APBB2: variants seen among roughly 807,000 people sequenced by gnomAD.
The protein encoded by APBB2 is Fe65-like 1.
A neutral mutation model predicts 82.5 loss-of-function variants in APBB2; 38 were observed. The ratio of observed to expected loss-of-function variants is 0.46; its 90% CI spans 0.36 to 0.60. The LOEUF is 0.60. Ranked by LOEUF, APBB2 falls within the 20% of genes least tolerant of loss-of-function variation. The pLI is 0.00. For synonymous variants in APBB2, 341 were observed against 368.2 expected (o/e 0.93, Z 0.85); for missense variants, 772 against 972.3 (o/e 0.79, Z 2.74).
At position 40,883,141 on chromosome 4, in the gene APBB2, A is replaced by G. The variant is rs1372094352; in HGVS notation, c.1529+7223T>C. Among the ~76,000 whole-genome samples the G allele has an allele frequency of 3.3e-5, 5 of 152,130 alleles. No homozygotes were observed. In the East Asian group the frequency reaches 5.8e-4, roughly 18 times the overall value. ...CACTGCAGCTGTGGCATGAGAACTA[A>G]CCTCTGGCACTGAAGCCAGTGGACT... On this transcript the variant is annotated intron_variant, in intron 12 of 17. Coordinates refer to ENST00000508593, the MANE Select transcript of APBB2 (RefSeq NM_004307.2).
intron 3 of APBB2, among the ~76,000 whole-genome samples, chr4:41,081,819 T>C (rs1306225336): frequency 6.6e-6 from 1 of 152,224 alleles, no homozygotes; most frequent in African/African-American, 2.4e-5. Context: ...AAAATTGCAT[T>C]GATCATAGAA....
chr4:41,033,091 T>C (rs749034989), intron 5 of APBB2, 145 bp downstream of exon 5: 64 of 688,572 alleles, frequency 9.3e-5, no homozygotes, highest in Non-Finnish European at 1.5e-4. Flanking sequence ...CCAAGATTCA[T>C]TTTTCTATTA....
At position 40,832,049 on chromosome 4, in the gene APBB2, C is replaced by T. The variant is rs193173557; in HGVS notation, c.1530-1472G>A. ...ACACACACACACACACACACACACA[C>T]ACATATACACCAAGCTTTACCCATC... On this transcript the variant is annotated intron_variant, in intron 12 of 17. Coordinates refer to ENST00000508593, the MANE Select transcript of APBB2 (RefSeq NM_004307.2). The surrounding 1 kb of genome is among the most constrained non-coding windows in gnomAD (Gnocchi z 4.8). Among the ~76,000 whole-genome samples the T allele has an allele frequency of 2.0e-5, 3 of 151,632 alleles. No homozygotes were observed. Among genetic ancestry groups the T allele is most frequent in the African/African-American group, 7.3e-5 (3 of 41,344 alleles).
Position 40,934,529 on chromosome 4 carries a change from A to G in APBB2, c.1194-13T>C. Reference sequence around the variant, plus strand: ...GTGTGGGGCATTTCTAGGCAGAAAAACAGAAAAGTGGACTTAGAATTCTAT... The same window carrying G: ...GTGTGGGGCATTTCTAGGCAGAAAAGCAGAAAAGTGGACTTAGAATTCTAT... On this transcript the variant is annotated splice_polypyrimidine_tract_variant and intron_variant, in intron 9 of 17. Coordinates refer to ENST00000508593, the MANE Select transcript of APBB2 (RefSeq NM_004307.2). 6.2e-7 allele frequency: 1 copy of G among 1,614,092 alleles called. No individual in the cohort carries two copies.
Position 40,814,100 on chromosome 4 carries a change from G to A in APBB2, c.*1992C>T, listed in dbSNP as rs998780046. 6.6e-6 allele frequency: 1 copy of A among 152,178 alleles called. No homozygotes were observed. The highest frequency in any genetic ancestry group is 2.4e-5 in the African/African-American group (1 of 41,446). 9.4% of individuals were successfully genotyped at this position (152,178 alleles called of 1,614,324 possible). On this transcript the variant is annotated 3_prime_UTR_variant, in exon 18 of 18. Transcript: ENST00000508593. ...CCCACTCATTCCATCATGATCTCTGGTGGCTAAGTACCATGAGTTAGGAAT... is the reference window on the plus strand; with the variant it reads ...CCCACTCATTCCATCATGATCTCTGATGGCTAAGTACCATGAGTTAGGAAT...
chr4:40,978,686 T>C (rs986783480), intron 6 of APBB2, among the ~76,000 whole-genome samples: 2 of 152,170 alleles, frequency 1.3e-5, no homozygotes, highest in African/African-American at 4.8e-5. Context: ...TTCCTTCCTA[T>C]CCCTATCCTC....
chr4:40,897,364 T>G (rs2154354937), intron 10 of APBB2, among the ~76,000 whole-genome samples: 1 of 152,150 alleles, frequency 6.6e-6, no homozygotes, highest in South Asian at 2.1e-4. Context: ...ATTAGCCAGG[T>G]GTGGTGGCAC....
intron 5 of APBB2, among the ~76,000 whole-genome samples, chr4:41,024,468 T>C (rs552854927): frequency 7.2e-5 from 11 of 152,208 alleles, no homozygotes; most frequent in South Asian, 2.1e-4. Context: ...AGGGAGGAAA[T>C]TGAAGAACGA....
At chr4:41,179,839 A>G (rs1770845579) in intron 1 of APBB2, among the ~76,000 whole-genome samples, 1 of 152,282 alleles carries the variant, frequency 6.6e-6, no homozygotes. Context: ...CAAAGGGTTA[A>G]TAACACTAGA....
intron 6 of APBB2, among the ~76,000 whole-genome samples, chr4:40,996,586 C>T (rs1017171477): frequency 6.6e-6 from 1 of 152,164 alleles, no homozygotes; most frequent in Admixed American, 6.5e-5. Context: ...AAATCAAACA[C>T]ATCATCTTTC....
At chr4:40,954,578 G>C (rs577000729) in intron 6 of APBB2, among the ~76,000 whole-genome samples, 8 of 152,130 alleles carry the variant, frequency 5.3e-5, no homozygotes, top group Non-Finnish European at 1.2e-4. Context: ...GGGGAGCCTC[G>C]GTCACTCTGG....
At chr4:40,863,336 G>A (rs1453111535) in intron 12 of APBB2, among the ~76,000 whole-genome samples, 1 of 152,220 alleles carries the variant, frequency 6.6e-6, no homozygotes, top group African/African-American at 2.4e-5. Flanking sequence ...GTTTTGGCAG[G>A]ACCTTAAGGT....
At chr4:40,827,040 G>A in intron 14 of APBB2, 92 bp downstream of exon 14, 1 of 1,172,972 alleles carries the variant, frequency 8.5e-7, no homozygotes, top group Non-Finnish European at 1.2e-6. Flanking sequence ...TCTTTAAGGA[G>A]ACTTGAAATA....
At chr4:40,948,568 C>T (rs1394406958) in intron 6 of APBB2, among the ~76,000 whole-genome samples, 3 of 151,480 alleles carry the variant, frequency 2.0e-5, no homozygotes, top group African/African-American at 7.3e-5. Context: ...CAAGACCACA[C>T]TGGTCAGCAT....
At chr4:40,984,268 C>T (rs902072410) in intron 6 of APBB2, among the ~76,000 whole-genome samples, 1 of 152,252 alleles carries the variant, frequency 6.6e-6, no homozygotes, top group Middle Eastern at 3.4e-3. Context: ...GTGTCTGGAT[C>T]GTTAACATTT....
Position 40,935,145 on chromosome 4 carries a change from C to A in APBB2, c.1045-6G>T. On this transcript the variant is annotated splice_region_variant and splice_polypyrimidine_tract_variant and intron_variant, in intron 7 of 17. Transcript: ENST00000508593. ...AAATCACTCCATGGCTGTTTCTAGA[C>A]ATATAATTATTCACATAGGAAAAAA... 2 of 1,505,366 alleles carry A rather than the reference C, an allele frequency of 1.3e-6. No homozygotes were observed. The highest frequency in any genetic ancestry group is 1.8e-6 in the Non-Finnish European group (2 of 1,126,706). 93.3% of individuals were successfully genotyped at this position (1,505,366 alleles called of 1,614,324 possible). A position where few individuals can be genotyped will look rare whatever the true frequency, so the allele number is the denominator to read the frequency against.
intron 6 of APBB2, among the ~76,000 whole-genome samples, chr4:41,005,323 C>T (rs1408556055): frequency 2.0e-5 from 3 of 152,122 alleles, no homozygotes; most frequent in African/African-American, 7.2e-5. Flanking sequence ...CTCTTGATCT[C>T]GTGATCTGCC....
At chr4:41,088,733 A>AT (rs1740716118) in intron 3 of APBB2, among the ~76,000 whole-genome samples, 1 of 152,226 alleles carries the variant, frequency 6.6e-6, no homozygotes, top group African/African-American at 2.4e-5. Flanking sequence ...TAGGCCTGCC[A>AT]TAACTAGCAG....
At chr4:40,922,979 CTTT>C (rs5857757) in intron 10 of APBB2, among the ~76,000 whole-genome samples, 2 of 140,556 alleles carry the variant, frequency 1.4e-5, no homozygotes, top group African/African-American at 2.6e-5. Flanking sequence ...CAATTTTTTT[CTTT>C]TTTTTTTTTT....
Sources: gnomAD v4.1 joint callset for allele counts (sites outside exome capture counted in the v4.1 genomes callset) on GRCh38, gnomAD v4.1.1 for gene constraint, Gnocchi (gnomAD v3.1) non-coding constraint, MANE v1.5 for transcripts, NCBI Gene and HGNC (gene_info 2026-07-23, HGNC 2026-07-21) for gene names.